The following EVI5L variants were observed in gnomAD, a reference collection of about 807,000 sequenced individuals.
EVI5L encodes ecotropic viral integration site 5 like.
A neutral mutation model predicts 106.1 loss-of-function variants in EVI5L; 30 were observed. The ratio of observed to expected loss-of-function variants is 0.28; its 90% CI spans 0.21 to 0.38. The LOEUF is 0.38. EVI5L is among the 10% of genes least tolerant of loss of function. The probability of loss-of-function intolerance (pLI) is 1.00; values close to 1 mark genes in which losing one functional copy is unlikely to be tolerated. For synonymous variants in EVI5L, 489 were observed against 483.3 expected, an observed-to-expected ratio of 1.01 and a Z score of -0.15; for missense variants, 809 against 1,098.0, an observed-to-expected ratio of 0.74 and a Z score of 3.72.
intron 1 of EVI5L, among the ~76,000 whole-genome samples, chr19:7,843,050 CTG>C (rs139032378): frequency 0.12 from 16,303 of 138,742 alleles, 956 homozygotes; most frequent in Middle Eastern, 0.19. Flanking sequence ...ATAGGCATGG[CTG>C]TGTGTCGAGT....
rs117907840 is a variant in EVI5L at position 7,850,794 on chromosome 19, G to A, written c.754-640G>A. 2.0e-5 allele frequency among the ~76,000 whole-genome samples: 3 copies of A among 152,238 alleles called. No individual in the cohort carries two copies. The highest frequency in any genetic ancestry group is 3.9e-4 in the East Asian group (2 of 5,156). On this transcript the variant is annotated intron_variant, in intron 6 of 19. Coordinates refer to ENST00000538904, the MANE Select transcript of EVI5L (RefSeq NM_001159944.3). This position sits in a 1 kb window ranked among gnomAD's most constrained non-coding sequence, Gnocchi z 5.4. ...GCAGAGAAGGCACCACCCCACCTCA[G>A]GCTGGGTAGCAGAGCCCTCCCACAG...
intron 1 of EVI5L, among the ~76,000 whole-genome samples, chr19:7,839,458 G>A (rs1207773805): frequency 6.6e-6 from 1 of 152,128 alleles, no homozygotes; most frequent in African/African-American, 2.4e-5. Flanking sequence ...GCTGGGAAGG[G>A]CATGCACGTC....
chr19:7,847,654 G>A (rs1013959667), intron 2 of EVI5L, 78 bp from the exon 3 acceptor site: 2 of 1,493,428 alleles, frequency 1.3e-6, no homozygotes, highest in African/African-American at 1.4e-5. Context: ...CCCAGGAGGG[G>A]GAGGATGGGC....
At chr19:7,834,003 C>T (rs1978309733) in intron 1 of EVI5L, among the ~76,000 whole-genome samples, 1 of 152,216 alleles carries the variant, frequency 6.6e-6, no homozygotes, top group Admixed American at 6.5e-5. Context: ...GACTCACCTG[C>T]ACTTTCATTC....
In EVI5L at chr19:7,860,649, C is replaced by T; in HGVS notation, c.1463C>T (p.Ala488Val). 1.3e-6 allele frequency: 2 copies of T among 1,594,698 alleles called. No homozygotes were observed. The highest frequency in any genetic ancestry group is 1.1e-5 in the South Asian group (1 of 88,264). The change falls in exon 14 of 20, where the codon GCC (alanine) becomes GTC (valine). Residue 488 changes from alanine (A) to valine (V), a missense_variant. Physicochemically the swap from Ala to Val is moderately conservative, Grantham distance 64. Around this residue, in one of 2 missense-constraint regions of EVI5L, gnomAD observed 452 missense variants for 509.9 expected, o/e 0.89. Transcript: ENST00000538904. ...CTGCGGGAGACGGAGACACTGGGGG[C>T]CCTTCGGGAGATGCAGGACAAGGTT... is the stretch of plus-strand genomic sequence containing the variant. ...SRLRETETLG[A>V]LREMQDKVLD...
In EVI5L at chr19:7,857,453, G is replaced by T. The variant is rs1979585893; in HGVS notation, c.1233+329G>T. ...AAAACCATATTCACATAAGGCCCTG[G>T]TGTGTGCAGTGCTGCGGTCACACAC... On this transcript the variant is annotated intron_variant, in intron 12 of 19. Transcript: ENST00000538904. The surrounding 1 kb of genome is among the most constrained non-coding windows in gnomAD (Gnocchi z 4.5). 3.8e-6 allele frequency: 2 copies of T among 521,156 alleles called. No individual in the cohort carries two copies. Among genetic ancestry groups the T allele is most frequent in the Admixed American group, 6.4e-5 (2 of 31,190 alleles). The allele number at this position is 521,156 out of a possible 1,614,324, so 32.3% of individuals were successfully genotyped here.
In EVI5L at chr19:7,863,704, G is replaced by GC. The variant is rs1285587997; in HGVS notation, c.*4dup. The GC allele has an allele frequency of 1.4e-6, 2 of 1,466,268 alleles. No individual in the cohort carries two copies. Among genetic ancestry groups the GC allele is most frequent in the South Asian group, 2.7e-5 (2 of 74,616 alleles). 90.8% of individuals were successfully genotyped at this position (1,466,268 alleles called of 1,614,324 possible). ...TACAGCCAGGGTCTGGACAACTGAG[G>GC]CCATGCCCAGCGCGCCCGGAGTCAG... On this transcript the variant is annotated 3_prime_UTR_variant, in exon 20 of 20. Coordinates refer to ENST00000538904, the MANE Select transcript of EVI5L (RefSeq NM_001159944.3). This position sits in a 1 kb window ranked among gnomAD's most constrained non-coding sequence, Gnocchi z 7.7.
Position 7,848,125 on chromosome 19 carries a change from A to G in EVI5L, c.327+204A>G, listed in dbSNP as rs1979048906. On this transcript the variant is annotated intron_variant, in intron 3 of 19. Coordinates refer to ENST00000538904, the MANE Select transcript of EVI5L (RefSeq NM_001159944.3). The surrounding 1 kb of genome is among the most constrained non-coding windows in gnomAD (Gnocchi z 4.8). ...CAGGGTGGTGCTGGACAGGCCCTGC[A>G]CCCTCGAGTGCCCATGTGCTTGCTG... 6.6e-6 allele frequency among the ~76,000 whole-genome samples: 1 copy of G among 152,070 alleles called. No individual in the cohort carries two copies. Among genetic ancestry groups the G allele is most frequent in the South Asian group, 2.1e-4 (1 of 4,820 alleles).
chr19:7,853,353 G>A lies in EVI5L; in HGVS notation c.1146+20G>A, dbSNP rs765104565. 1.9e-6 allele frequency: 3 copies of A among 1,602,124 alleles called. No individual in the cohort carries two copies. In the South Asian group the frequency reaches 3.3e-5, roughly 18 times the overall value. On this transcript the variant is annotated intron_variant, in intron 10 of 19. Coordinates refer to ENST00000538904, the MANE Select transcript of EVI5L (RefSeq NM_001159944.3). ...ATCAAAGTGAGTCCAGGGGCCCAGG[G>A]GCGGGGACAGGGATGGGAGGCCTTT...
chr19:7,832,817 G>T (rs1284306029), intron 1 of EVI5L, among the ~76,000 whole-genome samples: 1 of 152,168 alleles, frequency 6.6e-6, no homozygotes, highest in Non-Finnish European at 1.5e-5. Context: ...CGGGGAACAG[G>T]GTGGGCATGA....
intron 1 of EVI5L, among the ~76,000 whole-genome samples, chr19:7,838,512 G>T (rs1349779470): frequency 6.6e-6 from 1 of 152,214 alleles, no homozygotes; most frequent in East Asian, 1.9e-4. Context: ...TGTTAGCCAC[G>T]TAACTTATCA....
Position 7,857,061 on chromosome 19 carries a change from CCT to C in EVI5L, c.1201-30_1201-29del, listed in dbSNP as rs766571036. The C allele has an allele frequency of 5.3e-5, 83 of 1,551,764 alleles. No homozygotes were observed. Among genetic ancestry groups the C allele is most frequent in the Admixed American group, 7.8e-5 (4 of 50,992 alleles). On this transcript the variant is annotated intron_variant, in intron 11 of 19. Coordinates refer to ENST00000538904, the MANE Select transcript of EVI5L (RefSeq NM_001159944.3). This position sits in a 1 kb window ranked among gnomAD's most constrained non-coding sequence, Gnocchi z 4.5. ...CGCGCCTTCCGCTCTGCCTCCTCCC[CCT>C]GTCGCTGGGAACCCCCTTCGCCGGG...
rs563002390 is a variant in EVI5L at position 7,861,730 on chromosome 19, C to T, written c.1504-148C>T. The T allele has an allele frequency of 7.5e-6, 8 of 1,062,490 alleles. No individual in the cohort carries two copies. The South Asian group carries it at 1.2e-4, about 15-fold the overall frequency. 65.8% of individuals were successfully genotyped at this position (1,062,490 alleles called of 1,614,324 possible). A position where few individuals can be genotyped will look rare whatever the true frequency, so the allele number is the denominator to read the frequency against. Reference sequence around the variant, plus strand: ...CGGGTTCCACAGGCGAGTCCGCTCCCCGTGGGCCTTGTCAAGGGGGTCGCC... The same window carrying T: ...CGGGTTCCACAGGCGAGTCCGCTCCTCGTGGGCCTTGTCAAGGGGGTCGCC... On this transcript the variant is annotated intron_variant, in intron 14 of 19. Transcript: ENST00000538904.
Position 7,848,763 on chromosome 19 carries a change from T to C in EVI5L, c.328-158T>C. The C allele has an allele frequency of 1.5e-6, 1 of 669,162 alleles. No individual in the cohort carries two copies. Among genetic ancestry groups the C allele is most frequent in the African/African-American group, 1.8e-5 (1 of 55,304 alleles). 41.5% of individuals were successfully genotyped at this position (669,162 alleles called of 1,614,324 possible). On this transcript the variant is annotated intron_variant, in intron 3 of 19. Transcript: ENST00000538904. This position sits in a 1 kb window ranked among gnomAD's most constrained non-coding sequence, Gnocchi z 4.8. ...CAGCCTGGGTGACAGAGGGAGACCC[T>C]GTCTCTGAAAAAAGGGGGTAAAAAA...
At chr19:7,860,468 G>T in intron 13 of EVI5L, 93 bp from the exon 14 acceptor site, 1 of 1,154,116 alleles carries the variant, frequency 8.7e-7, no homozygotes, top group Middle Eastern at 2.9e-4. Context: ...CTGCTGAAGG[G>T]CTCTGGGGAG....
Position 7,848,684 on chromosome 19 carries a change from G to A in EVI5L, c.328-237G>A, listed in dbSNP as rs111354812. 8.5e-3 allele frequency among the ~76,000 whole-genome samples: 1,299 copies of A among 152,246 alleles called. 16 individuals are homozygous for A. Among genetic ancestry groups the A allele is most frequent in the African/African-American group, 0.029 (1,208 of 41,542 alleles). ...CTCAGGAAGCTGAGGCAGGAGGATC[G>A]CTTGAGCCCAGGAGTTCAAGGCTGC... On this transcript the variant is annotated intron_variant, in intron 3 of 19. Transcript: ENST00000538904. This position sits in a 1 kb window ranked among gnomAD's most constrained non-coding sequence, Gnocchi z 4.8.
chr19:7,847,930 C>G lies in EVI5L; in HGVS notation c.327+9C>G, dbSNP rs2307003. The G allele has an allele frequency of 1.3e-6, 2 of 1,534,634 alleles. No homozygotes were observed. ...AGGAGAAGCTGCTCAAGGTGGGGGG[C>G]GGCCAGGCAGGCAGGGCTGGGCCGA... is the stretch of plus-strand genomic sequence containing the variant. On this transcript the variant is annotated intron_variant, in intron 3 of 19. Coordinates refer to ENST00000538904, the MANE Select transcript of EVI5L (RefSeq NM_001159944.3).
In EVI5L at chr19:7,863,754, C is replaced by T. The variant is rs977515644; in HGVS notation, c.*52C>T. 8.9e-5 allele frequency: 126 copies of T among 1,423,116 alleles called. No individual in the cohort carries two copies. The highest frequency in any genetic ancestry group is 1.1e-4 in the Non-Finnish European group (119 of 1,095,092). The allele number at this position is 1,423,116 out of a possible 1,614,324, so 88.2% of individuals were successfully genotyped here. On this transcript the variant is annotated 3_prime_UTR_variant, in exon 20 of 20. Coordinates refer to ENST00000538904, the MANE Select transcript of EVI5L (RefSeq NM_001159944.3). This position sits in a 1 kb window ranked among gnomAD's most constrained non-coding sequence, Gnocchi z 7.7. ...GGAGGCCGCAGCCGCGGGGGGCGCC[C>T]GGGCAGTCCGCGTTCTGCTCCCCAC...
At chr19:7,847,519 G>T (rs985653373) in intron 2 of EVI5L, among the ~76,000 whole-genome samples, 3 of 152,072 alleles carry the variant, frequency 2.0e-5, no homozygotes, top group Non-Finnish European at 2.9e-5. Context: ...CCAGGAGGCA[G>T]AGGTTGCAGT....
Sources: gnomAD v4.1 joint callset for allele counts (sites outside exome capture counted in the v4.1 genomes callset) on GRCh38, gnomAD v4.1.1 for gene constraint, gnomAD v4.1.1 regional missense constraint, Gnocchi (gnomAD v3.1) non-coding constraint, MANE v1.5 for transcripts, NCBI Gene and HGNC (gene_info 2026-07-23, HGNC 2026-07-21) for gene names.